Variants in IPP observed in about 807,000 individuals in gnomAD.
IPP encodes intracisternal A particle-promoted polypeptide, also known as actin-binding protein IPP.
A neutral mutation model predicts 64.1 loss-of-function variants in IPP; 41 were observed. That is an observed-to-expected ratio of 0.64 (90% CI 0.50 to 0.83). The LOEUF is 0.83. Among genes scored for constraint, IPP ranks in the 40% least tolerant of loss-of-function variants. The probability of loss-of-function intolerance (pLI) is 0.00; values close to 1 mark genes in which losing one functional copy is unlikely to be tolerated. For synonymous variants in IPP, 214 were observed against 235.2 expected, an observed-to-expected ratio of 0.91 and a Z score of 0.83; for missense variants, 649 against 703.0, an observed-to-expected ratio of 0.92 and a Z score of 0.87.
At chr1:45,732,361 CAA>C (rs779442718) in intron 3 of IPP, among the ~76,000 whole-genome samples, 1 of 59,766 alleles carries the variant, frequency 1.7e-5, no homozygotes, top group Non-Finnish European at 2.8e-5. Flanking sequence ...GACTCCACCT[CAA>C]AAAAAAAAAA....
intron 5 of IPP, among the ~76,000 whole-genome samples, chr1:45,721,832 C>T (rs767556315): frequency 6.6e-6 from 1 of 152,188 alleles, no homozygotes; most frequent in Non-Finnish European, 1.5e-5. Context: ...GAGGCCAAGG[C>T]GGGCAGATCA....
chr1:45,736,854 A>C (rs1443188488), intron 3 of IPP, among the ~76,000 whole-genome samples: 2 of 151,872 alleles, frequency 1.3e-5, no homozygotes, highest in African/African-American at 2.4e-5. Context: ...CCTGGCTAAC[A>C]TGGTGAAACC....
chr1:45,744,117 T>C (rs1243544956), intron 2 of IPP, among the ~76,000 whole-genome samples: 1 of 151,932 alleles, frequency 6.6e-6, no homozygotes, highest in Non-Finnish European at 1.5e-5. Flanking sequence ...CAGACATACA[T>C]TGTATTAACA....
At chr1:45,722,576 T>G (rs1645748405) in intron 5 of IPP, among the ~76,000 whole-genome samples, 1 of 151,998 alleles carries the variant, frequency 6.6e-6, no homozygotes, top group African/African-American at 2.4e-5. Context: ...AAAATAAATA[T>G]TTTATGTAAG....
At chr1:45,732,708 C>A (rs1015457268) in intron 3 of IPP, among the ~76,000 whole-genome samples, 1 of 151,890 alleles carries the variant, frequency 6.6e-6, no homozygotes, top group African/African-American at 2.4e-5. Flanking sequence ...GCTCTGTCGC[C>A]CAGGCTGGAG....
chr1:45,719,463 C>A (rs756049398), intron 5 of IPP, 123 bp from the exon 6 acceptor site: 49 of 610,694 alleles, frequency 8.0e-5, no homozygotes, highest in Non-Finnish European at 1.2e-4. Context: ...TGATTTTATA[C>A]TATTCATTAA....
At position 45,719,225 on chromosome 1, in the gene IPP, A is replaced by G; in HGVS notation, c.1164T>C (p.Cys388=). ...HPRCGLGVCV[C]YGAIYALGGW... ...TACCCAAAGCATAGATAGCCCCATA[A>G]CACACACACACTCCTAAGCCGCAGC... The change falls in exon 6 of 9, where the codon TGT becomes TGC. Residue 388 remains cysteine (C), a synonymous_variant. Coordinates refer to ENST00000396478, the MANE Select transcript of IPP (RefSeq NM_005897.3). The G allele has an allele frequency of 6.4e-7, 1 of 1,553,382 alleles. No individual in the cohort carries two copies. The highest frequency in any genetic ancestry group is 8.8e-7 in the Non-Finnish European group (1 of 1,134,830).
intron 8 of IPP, among the ~76,000 whole-genome samples, chr1:45,708,679 C>CAAA (rs770829388): frequency 2.8e-5 from 1 of 36,032 alleles, no homozygotes; most frequent in Non-Finnish European, 6.1e-5. Context: ...AACTCACCTC[C>CAAA]AAAAAAAAAA....
At chr1:45,739,240 G>C (rs952760140) in intron 3 of IPP, among the ~76,000 whole-genome samples, 1 of 151,994 alleles carries the variant, frequency 6.6e-6, no homozygotes, top group African/African-American at 2.4e-5. Flanking sequence ...TGCATGACAA[G>C]AGTAAAAACT....
intron 8 of IPP, among the ~76,000 whole-genome samples, chr1:45,702,723 G>A (rs947114212): frequency 2.0e-5 from 3 of 152,148 alleles, no homozygotes; most frequent in Non-Finnish European, 2.9e-5. Flanking sequence ...CCAAAGTGCT[G>A]TGATTACAGG....
intron 1 of IPP, among the ~76,000 whole-genome samples, chr1:45,749,873 G>A (rs925093640): frequency 6.6e-6 from 1 of 152,018 alleles, no homozygotes; most frequent in Admixed American, 6.5e-5. Flanking sequence ...AATACAGCGA[G>A]CCCCCCGCCG....
At chr1:45,726,615 T>C (rs370319002) in intron 5 of IPP, among the ~76,000 whole-genome samples, 7 of 152,278 alleles carry the variant, frequency 4.6e-5, no homozygotes, top group African/African-American at 1.7e-4. Context: ...GTTGACTTGG[T>C]TTTTACGTAT....
chr1:45,702,984 C>A (rs1481420626), intron 8 of IPP, among the ~76,000 whole-genome samples: 2 of 152,102 alleles, frequency 1.3e-5, no homozygotes, highest in Non-Finnish European at 2.9e-5. Context: ...TCCATTCTTG[C>A]CACTTCAACA....
At chr1:45,721,247 T>C (rs1052037516) in intron 5 of IPP, among the ~76,000 whole-genome samples, 1 of 152,252 alleles carries the variant, frequency 6.6e-6, no homozygotes, top group Non-Finnish European at 1.5e-5. Context: ...TTCCCTCCAC[T>C]GATACAAAAT....
rs571586683 is a variant in IPP at position 45,741,778 on chromosome 1, G to A, written c.293-446C>T. ...CGAGTAGCTGGGACTACAGGCGCCC[G>A]CCACTGCGCCCGGCTAATTTTTTGT... On this transcript the variant is annotated intron_variant, in intron 2 of 8. Coordinates refer to ENST00000396478, the MANE Select transcript of IPP (RefSeq NM_005897.3). Among the ~76,000 whole-genome samples the A allele has an allele frequency of 3.2e-5, 4 of 126,384 alleles. 1 individual carries two copies. In the East Asian group the frequency reaches 7.5e-4, roughly 24 times the overall value. The allele number at this position is 126,384 out of a possible 152,430, so 82.9% of individuals were successfully genotyped here. A position where few individuals can be genotyped will look rare whatever the true frequency, so the allele number is the denominator to read the frequency against.
chr1:45,695,841 G>T (rs1396908947), downstream of IPP, among the ~76,000 whole-genome samples: 1 of 152,066 alleles, frequency 6.6e-6, no homozygotes, highest in Non-Finnish European at 1.5e-5. Context: ...AGCTAATTTT[G>T]TATTTTTAGT....
At chr1:45,745,852 G>A (rs559953758) in intron 2 of IPP, among the ~76,000 whole-genome samples, 2 of 152,134 alleles carry the variant, frequency 1.3e-5, no homozygotes, top group East Asian at 3.9e-4. Context: ...GCGACAGAGA[G>A]AGACTCCATC....
At chr1:45,710,221 G>C (rs1234150837) in intron 8 of IPP, among the ~76,000 whole-genome samples, 1 of 57,608 alleles carries the variant, frequency 1.7e-5, no homozygotes, top group Non-Finnish European at 3.5e-5. Flanking sequence ...GCAAGACTCT[G>C]TCTAAAAAAA....
intron 5 of IPP, among the ~76,000 whole-genome samples, chr1:45,725,839 T>G (rs1645817486): frequency 7.3e-6 from 1 of 136,518 alleles, no homozygotes; most frequent in African/African-American, 2.7e-5. Context: ...CAGAGTTAAA[T>G]GGATTAAGGG....
Sources: allele counts gnomAD v4.1 joint callset (sites outside exome capture counted in the v4.1 genomes callset), GRCh38; gene constraint gnomAD v4.1.1; transcripts MANE v1.5; gene names NCBI Gene and HGNC (gene_info 2026-07-23, HGNC 2026-07-21).